FBN1: variants seen among roughly 807,000 people sequenced by gnomAD.
The protein encoded by FBN1 is fibrillin-1.
A neutral mutation model predicts 365.1 loss-of-function variants in FBN1; 29 were observed. The ratio of observed to expected loss-of-function variants is 0.08; its 90% CI spans 0.06 to 0.11. The LOEUF (loss-of-function observed/expected upper bound fraction) is 0.11. FBN1 is among the 10% of genes least tolerant of loss of function. The pLI, the probability that FBN1 is intolerant of heterozygous loss-of-function variation, is 1.00. For missense variants in FBN1, 2,476 were observed against 3,703.2 expected, an observed-to-expected ratio of 0.67 and a Z score of 8.60; for synonymous variants, 1,210 against 1,270.5, an observed-to-expected ratio of 0.95 and a Z score of 1.01.
intron 10 of FBN1, 110 bp downstream of exon 10, chr15:48,520,549 G>A: frequency 7.9e-6 from 10 of 1,273,160 alleles, no homozygotes; most frequent in Non-Finnish European, 1.1e-5. Flanking sequence ...TATATTTCCT[G>A]GAGACTACTC....
chr15:48,464,121 G>A (rs965195360), intron 40 of FBN1, 100 bp from the exon 41 acceptor site: 1 of 1,150,958 alleles, frequency 8.7e-7, no homozygotes, highest in Non-Finnish European at 1.3e-6. Flanking sequence ...AAAATCTATA[G>A]GGTATTTTCA....
chr15:48,535,074 C>T (rs1464853453), intron 7 of FBN1, among the ~76,000 whole-genome samples: 2 of 152,188 alleles, frequency 1.3e-5, no homozygotes, highest in Non-Finnish European at 2.9e-5. Flanking sequence ...TAAGGCTGCC[C>T]CTCTGCCCGG....
intron 2 of FBN1, among the ~76,000 whole-genome samples, chr15:48,628,343 TGAAG>T (rs1039504393): frequency 6.6e-6 from 1 of 151,792 alleles, no homozygotes; most frequent in Admixed American, 6.6e-5. Context: ...AATGCCGAAA[TGAAG>T]GTACAAAAAT....
intron 9 of FBN1, among the ~76,000 whole-genome samples, chr15:48,524,564 A>C (rs2043891839): frequency 1.3e-5 from 2 of 152,194 alleles, no homozygotes; most frequent in Non-Finnish European, 2.9e-5. Context: ...AATTATGGGC[A>C]CAACAGAGTT....
chr15:48,483,745 A>T lies in FBN1; in HGVS notation c.3838+73T>A. The stretch of plus-strand genomic sequence containing the variant: ...ATGGAATCTTTCTATCACTGACCCA[A>T]ACTAACTTTATGTAATTTAACAGTG... On this transcript the variant is annotated intron_variant, in intron 31 of 65. Transcript: ENST00000316623. 6 of 1,577,958 alleles carry T rather than the reference A, an allele frequency of 3.8e-6. No homozygotes were observed. In the South Asian group the frequency reaches 6.6e-5, roughly 17 times the overall value.
At chr15:48,470,874 A>C in intron 35 of FBN1, 118 bp from the exon 36 acceptor site, 2 of 1,118,120 alleles carry the variant, frequency 1.8e-6, no homozygotes, top group Non-Finnish European at 2.6e-6. Context: ...TCTAACACCA[A>C]TCTGGGCACT....
chr15:48,491,938 T>C (rs2043562952), intron 24 of FBN1, among the ~76,000 whole-genome samples: 1 of 152,176 alleles, frequency 6.6e-6, no homozygotes, highest in Non-Finnish European at 1.5e-5. Flanking sequence ...ACAATTTGGC[T>C]AGAGGATCCC....
chr15:48,616,551 G>C (rs1456277827), intron 2 of FBN1, among the ~76,000 whole-genome samples: 1 of 152,168 alleles, frequency 6.6e-6, no homozygotes, highest in Non-Finnish European at 1.5e-5. Flanking sequence ...AACTCTAAAT[G>C]AGACATGCTG....
intron 6 of FBN1, among the ~76,000 whole-genome samples, chr15:48,581,409 C>T (rs2044391007): frequency 6.6e-6 from 1 of 152,110 alleles, no homozygotes; most frequent in Non-Finnish European, 1.5e-5. Context: ...GAAGGATGTC[C>T]CGGGCAGCGT....
intron 45 of FBN1, among the ~76,000 whole-genome samples, chr15:48,451,710 A>C (rs1265811576): frequency 6.7e-6 from 1 of 149,142 alleles, no homozygotes; most frequent in Non-Finnish European, 1.5e-5. Context: ...CTAATATACA[A>C]TGATTTGCTT....
At position 48,413,248 on chromosome 15, in the gene FBN1, T is replaced by A. The variant is rs1056866498; in HGVS notation, c.8052-505A>T. Among the ~76,000 whole-genome samples the A allele has an allele frequency of 4.6e-5, 7 of 152,254 alleles. No individual in the cohort carries two copies. In the East Asian group the frequency reaches 1.2e-3, roughly 25 times the overall value. ...GAGCAATTGCTCCTATTCCTTGACG[T>A]TTCACTTTTGCTTATGCTACTGAGG... On this transcript the variant is annotated intron_variant, in intron 64 of 65. Transcript: ENST00000316623.
intron 6 of FBN1, among the ~76,000 whole-genome samples, chr15:48,560,932 G>A (rs1024551549): frequency 6.6e-6 from 1 of 152,204 alleles, no homozygotes; most frequent in Non-Finnish European, 1.5e-5. Context: ...CTGAACAATA[G>A]GGATCATGCC....
chr15:48,476,734 C>T (rs1439322001), intron 32 of FBN1: 1 of 168,634 alleles, frequency 5.9e-6, no homozygotes, highest in African/African-American at 2.5e-5. Context: ...CCTCAGCCTC[C>T]CTAGTAGCTG....
rs144775475 is a variant in FBN1 at position 48,503,806 on chromosome 15, C to T, written c.2094G>A (p.Pro698=). The change falls in exon 17 of 66, where the codon CCG becomes CCA. Residue 698 remains proline (P), a synonymous_variant. Coordinates refer to ENST00000316623, the MANE Select transcript of FBN1 (RefSeq NM_000138.5). ...TEYAFGEPCQ[P]CPAQNSAEYQ... ...ACATACCTGAATTCTGTGCAGGACA[C>T]GGCTGGCAAGGTTCCCCAAATGCAT... 1.7e-5 allele frequency: 28 copies of T among 1,613,846 alleles called. No individual in the cohort carries two copies. In the South Asian group the frequency reaches 2.7e-4, roughly 16 times the overall value.
chr15:48,463,754 G>A, intron 41 of FBN1, 145 bp downstream of exon 41: 1 of 931,234 alleles, frequency 1.1e-6, no homozygotes, highest in Non-Finnish European at 1.7e-6. Context: ...TGATTTATAG[G>A]GGAAGAGTCT....
intron 13 of FBN1, among the ~76,000 whole-genome samples, chr15:48,511,780 C>A (rs973913495): frequency 2.0e-5 from 3 of 152,174 alleles, no homozygotes; most frequent in Admixed American, 1.3e-4. Flanking sequence ...TTCAGGTCAT[C>A]CTCAGTCTCC....
intron 2 of FBN1, among the ~76,000 whole-genome samples, chr15:48,620,356 G>A (rs2140748782): frequency 6.6e-6 from 1 of 152,284 alleles, no homozygotes; most frequent in South Asian, 2.1e-4. Flanking sequence ...CATATCTATT[G>A]AGTGCTTATC....
chr15:48,547,124 C>A lies in FBN1; in HGVS notation c.539-9316G>T, dbSNP rs77063634. On this transcript the variant is annotated intron_variant, in intron 6 of 65. Coordinates refer to ENST00000316623, the MANE Select transcript of FBN1 (RefSeq NM_000138.5). The stretch of plus-strand genomic sequence containing the variant: ...AAAACCTGTGTATAATGTAATTATA[C>A]CCTGACTTGTGTGTTTTTGCTTTTT... 6.8e-3 allele frequency among the ~76,000 whole-genome samples: 1,033 copies of A among 152,134 alleles called. 7 individuals are homozygous for A. Among genetic ancestry groups the A allele is most frequent in the African/African-American group, 0.024 (999 of 41,522 alleles).
intron 2 of FBN1, among the ~76,000 whole-genome samples, chr15:48,618,006 G>A (rs982879281): frequency 6.6e-6 from 1 of 152,014 alleles, no homozygotes; most frequent in Non-Finnish European, 1.5e-5. Flanking sequence ...TTAAACTCTT[G>A]GGCAAGGAGA....
Sources: gnomAD v4.1 joint callset for allele counts (sites outside exome capture counted in the v4.1 genomes callset) on GRCh38, gnomAD v4.1.1 for gene constraint, MANE v1.5 for transcripts, NCBI Gene and HGNC (gene_info 2026-07-23, HGNC 2026-07-21) for gene names.